LRRIQ1: variants seen among roughly 807,000 people sequenced by gnomAD.
LRRIQ1 encodes leucine-rich repeat- and IQ domain-containing protein 1.
LRRIQ1 carries 210 observed loss-of-function variants against 211.9 expected under a neutral mutation model. The ratio of observed to expected loss-of-function variants is 0.99; its 90% CI spans 0.89 to 1.11. The LOEUF is 1.11. LRRIQ1 is among the 50% of genes most tolerant of loss of function. The probability of loss-of-function intolerance (pLI) is 0.00; values close to 1 mark genes in which losing one functional copy is unlikely to be tolerated. For synonymous variants in LRRIQ1, 699 were observed against 650.1 expected (o/e 1.08, Z -1.14); for missense variants, 2,136 against 1,939.5 (o/e 1.10, Z -1.90).
chr12:85,069,479 C>T (rs1357160333), intron 10 of LRRIQ1, among the ~76,000 whole-genome samples: 9 of 151,992 alleles, frequency 5.9e-5, no homozygotes, highest in Non-Finnish European at 8.8e-5. Context: ...CTGGGTCAAA[C>T]GGTATTTCTA....
At chr12:85,144,872 A>G (rs970152096) in intron 19 of LRRIQ1, among the ~76,000 whole-genome samples, 2 of 151,704 alleles carry the variant, frequency 1.3e-5, no homozygotes, top group Non-Finnish European at 2.9e-5. Context: ...TTCCATTGCC[A>G]TCACTTTATT....
At chr12:85,255,719 A>G (rs754528129) in intron 1 of LRRIQ1, among the ~76,000 whole-genome samples, 4 of 151,782 alleles carry the variant, frequency 2.6e-5, no homozygotes, top group Non-Finnish European at 5.9e-5. Context: ...TGTTTAAACC[A>G]TTAAATCTGA....
At chr12:85,206,236 G>A (rs111369415) in intron 24 of LRRIQ1, among the ~76,000 whole-genome samples, 3 of 152,336 alleles carry the variant, frequency 2.0e-5, no homozygotes, top group Non-Finnish European at 2.9e-5. Flanking sequence ...GGGTCCATGT[G>A]TGTGTTTCCA....
intron 11 of LRRIQ1, among the ~76,000 whole-genome samples, chr12:85,096,832 A>G (rs935602638): frequency 6.6e-6 from 1 of 152,124 alleles, no homozygotes; most frequent in African/African-American, 2.4e-5. Context: ...TTATTAATTT[A>G]GGAGCTCCAA....
chr12:85,256,911 G>A (rs1896111315), intron 1 of LRRIQ1, among the ~76,000 whole-genome samples: 1 of 147,124 alleles, frequency 6.8e-6, no homozygotes, highest in Admixed American at 7.0e-5. Context: ...TCAATAATAA[G>A]CATTTTGGAA....
chr12:85,193,110 A>G (rs1010035542), intron 24 of LRRIQ1, among the ~76,000 whole-genome samples: 3 of 123,304 alleles, frequency 2.4e-5, no homozygotes, highest in African/African-American at 9.2e-5. Flanking sequence ...ATATATAATT[A>G]TAGTATATAA....
At chr12:85,178,912 T>TAA (rs5799723) in intron 24 of LRRIQ1, among the ~76,000 whole-genome samples, 80 of 143,142 alleles carry the variant, frequency 5.6e-4, no homozygotes, top group Admixed American at 1.0e-3. Context: ...TCTCTGTCTT[T>TAA]AAAAAAAAAA....
intron 19 of LRRIQ1, among the ~76,000 whole-genome samples, chr12:85,138,292 A>G (rs1003901002): frequency 1.3e-4 from 20 of 151,548 alleles, no homozygotes; most frequent in African/African-American, 4.6e-4. Flanking sequence ...CTAATGCCCT[A>G]TATTTAGTCT....
At chr12:85,229,433 TA>T in intron 24 of LRRIQ1, 83 bp from the exon 25 acceptor site, 2 of 1,096,676 alleles carry the variant, frequency 1.8e-6, no homozygotes, top group African/African-American at 1.6e-5. Flanking sequence ...TTTCTTGTGA[TA>T]AAATGTTTAG....
intron 24 of LRRIQ1, among the ~76,000 whole-genome samples, chr12:85,197,838 AT>A (rs1397948800): frequency 7.2e-6 from 1 of 139,626 alleles, no homozygotes; most frequent in Non-Finnish European, 1.5e-5. Context: ...AAAATAAAAA[AT>A]ATTATATTTA....
intron 24 of LRRIQ1, among the ~76,000 whole-genome samples, chr12:85,204,373 A>G (rs914159803): frequency 6.6e-6 from 1 of 152,206 alleles, no homozygotes; most frequent in African/African-American, 2.4e-5. Flanking sequence ...CTACTGGGGC[A>G]CCACCTAGTA....
chr12:85,069,790 G>C (rs1433727617), intron 10 of LRRIQ1, among the ~76,000 whole-genome samples: 1 of 151,938 alleles, frequency 6.6e-6, no homozygotes, highest in Admixed American at 6.6e-5. Flanking sequence ...GGGGTTGTTT[G>C]TTTTTTTCTT....
intron 11 of LRRIQ1, among the ~76,000 whole-genome samples, chr12:85,082,365 G>GT (rs1884387979): frequency 6.6e-6 from 1 of 152,086 alleles, no homozygotes; most frequent in South Asian, 2.1e-4. Flanking sequence ...TTACATTGAT[G>GT]TGTCTAGGCA....
chr12:85,097,452 G>T (rs554671763), intron 11 of LRRIQ1, among the ~76,000 whole-genome samples: 14 of 119,824 alleles, frequency 1.2e-4, no homozygotes, highest in Non-Finnish European at 2.0e-4. Flanking sequence ...TGTTCCCCCC[G>T]CTGTGTCCAA....
At chr12:85,216,073 C>T (rs542824255) in intron 24 of LRRIQ1, among the ~76,000 whole-genome samples, 6 of 152,226 alleles carry the variant, frequency 3.9e-5, no homozygotes, top group African/African-American at 9.6e-5. Context: ...GCGGAACGTG[C>T]AGGTTCGTTA....
At chr12:85,211,845 G>C (rs1417191621) in intron 24 of LRRIQ1, among the ~76,000 whole-genome samples, 1 of 152,004 alleles carries the variant, frequency 6.6e-6, no homozygotes, top group African/African-American at 2.4e-5. Context: ...TTTCCTTATA[G>C]AGAATCACAC....
chr12:85,158,070 T>C (rs2136706683), intron 23 of LRRIQ1, among the ~76,000 whole-genome samples: 1 of 152,020 alleles, frequency 6.6e-6, no homozygotes, highest in South Asian at 2.1e-4. Context: ...AGAAAGATTT[T>C]ACAAGAATTT....
intron 1 of LRRIQ1, among the ~76,000 whole-genome samples, chr12:85,251,477 G>A (rs920283421): frequency 2.6e-5 from 4 of 151,856 alleles, no homozygotes; most frequent in East Asian, 1.9e-4. Flanking sequence ...GTGTGGTATC[G>A]ATAAGAATAT....
intron 26 of LRRIQ1, among the ~76,000 whole-genome samples, chr12:85,239,210 T>C (rs1341988099): frequency 6.6e-6 from 1 of 151,906 alleles, no homozygotes; most frequent in Admixed American, 6.6e-5. Flanking sequence ...AAATTTTTGG[T>C]AGAAATGTAC....
Sources: gnomAD v4.1 joint callset for allele counts (sites outside exome capture counted in the v4.1 genomes callset) on GRCh38, gnomAD v4.1.1 for gene constraint, MANE v1.5 for transcripts, NCBI Gene and HGNC (gene_info 2026-07-23, HGNC 2026-07-21) for gene names.